The following FARSB variants were observed in gnomAD, a reference collection of about 807,000 sequenced individuals.
The protein encoded by FARSB is phenylalanine--tRNA ligase beta subunit.
Under a neutral mutation model 69.6 loss-of-function variants are expected in FARSB, and 40 were observed. That is an observed-to-expected ratio of 0.57 (90% CI 0.45 to 0.75). The LOEUF (loss-of-function observed/expected upper bound fraction) is 0.75. FARSB is among the 30% of genes least tolerant of loss of function. The pLI, the probability that FARSB is intolerant of heterozygous loss-of-function variation, is 0.00. For missense variants in FARSB, 632 were observed against 722.9 expected, an observed-to-expected ratio of 0.87 and a Z score of 1.44; for synonymous variants, 235 against 247.2, an observed-to-expected ratio of 0.95 and a Z score of 0.46.
intron 16 of FARSB, among the ~76,000 whole-genome samples, chr2:222,597,769 C>CTAAAA (rs1412840602): frequency 6.6e-6 from 1 of 152,162 alleles, no homozygotes; most frequent in Non-Finnish European, 1.5e-5. Context: ...CTACAATGTG[C>CTAAAA]TAAAATCCCT....
chr2:222,630,351 T>A (rs1330540669), intron 8 of FARSB, among the ~76,000 whole-genome samples, 177 bp from the exon 9 acceptor site: 1 of 152,232 alleles, frequency 6.6e-6, no homozygotes, highest in African/African-American at 2.4e-5. Flanking sequence ...CTTCAGGTGT[T>A]CTGCATTTAC....
At chr2:222,632,932 C>G (rs375814701) in intron 7 of FARSB, among the ~76,000 whole-genome samples, 2 of 151,378 alleles carry the variant, frequency 1.3e-5, no homozygotes, top group East Asian at 3.9e-4. Context: ...ACCAAAACAT[C>G]AATAACCTTT....
rs200787833 is a variant in FARSB, at chr2:222,580,705, G to GA, written c.1619-8684dup. On this transcript the variant is annotated intron_variant, in intron 16 of 16. Coordinates refer to ENST00000281828, the MANE Select transcript of FARSB (RefSeq NM_005687.5). Reference sequence around the variant, plus strand: ...CTTTAAAAAAAAATTCCACTGGTAGGAAAAAAAAATGCCCCAAATCAACCT... The same window carrying GA: ...CTTTAAAAAAAAATTCCACTGGTAGGAAAAAAAAAATGCCCCAAATCAACCT... 7.9e-3 allele frequency among the ~76,000 whole-genome samples: 1,192 copies of GA among 150,214 alleles called. 12 individuals carry two copies. Among genetic ancestry groups the GA allele is most frequent in the African/African-American group, 0.027 (1,097 of 40,894 alleles).
chr2:222,584,706 C>T (rs547563921), intron 16 of FARSB, among the ~76,000 whole-genome samples: 3 of 152,352 alleles, frequency 2.0e-5, no homozygotes, highest in South Asian at 4.1e-4. Flanking sequence ...CCATGCCTGG[C>T]TCAGAGGGTC....
At position 222,617,602 on chromosome 2, in the gene FARSB, G is replaced by A. The variant is rs563480306; in HGVS notation, c.1344+2043C>T. On this transcript the variant is annotated intron_variant, in intron 14 of 16. Transcript: ENST00000281828. ...GAATCTAAAATAAAAGTTGACAAAAGGCCAAGCGAGGTGGCTCACACTTGT... is the reference window on the plus strand; with the variant it reads ...GAATCTAAAATAAAAGTTGACAAAAAGCCAAGCGAGGTGGCTCACACTTGT... Among the ~76,000 whole-genome samples the A allele has an allele frequency of 4.6e-5, 7 of 152,320 alleles. No individual in the cohort carries two copies. The East Asian group carries it at 1.4e-3, about 29-fold the overall frequency.
chr2:222,624,149 C>T (rs1186722589), intron 12 of FARSB, 123 bp downstream of exon 12: 11 of 696,488 alleles, frequency 1.6e-5, no homozygotes, highest in Non-Finnish European at 2.8e-5. Context: ...CAGCAAATGC[C>T]TCTCATTGCA....
chr2:222,623,700 G>T lies in FARSB; in HGVS notation c.1201C>A (p.Arg401=), dbSNP rs143154293. The change falls in exon 13 of 17, where the codon CGA becomes AGA. Residue 401 remains arginine (R), a synonymous_variant. Coordinates refer to ENST00000281828, the MANE Select transcript of FARSB (RefSeq NM_005687.5). ...FPLNKLTELL[R]HDMAAAGFTE... ...AAGCCAGCGGCTGCCATGTCATGTC[G>T]GAGAAGTTCAGTGAGCTTATTAAGA... 8.1e-4 allele frequency: 1,298 copies of T among 1,611,640 alleles called. 13 individuals are homozygous for T. The Admixed American group carries it at 0.019, about 23-fold the overall frequency.
intron 16 of FARSB, among the ~76,000 whole-genome samples, chr2:222,597,164 C>T (rs567045693): frequency 6.6e-6 from 1 of 152,172 alleles, no homozygotes; most frequent in Admixed American, 6.5e-5. Flanking sequence ...AAAGAAAGCC[C>T]GTTAGATATA....
chr2:222,636,099 TA>T (rs1691573999), intron 5 of FARSB, among the ~76,000 whole-genome samples: 1 of 144,226 alleles, frequency 6.9e-6, no homozygotes, highest in African/African-American at 2.6e-5. Context: ...AAAAAAAAGA[TA>T]AGAAAATATA....
intron 15 of FARSB, among the ~76,000 whole-genome samples, chr2:222,611,845 C>G (rs753110686): frequency 6.6e-6 from 1 of 152,158 alleles, no homozygotes; most frequent in African/African-American, 2.4e-5. Context: ...CTTCCTCACC[C>G]GCACCCTCTG....
rs1469037045 is a variant in FARSB, at chr2:222,567,769, TAC to T, written c.*4100_*4101del. 2 of 152,364 alleles carry T rather than the reference TAC, an allele frequency of 1.3e-5. No individual in the cohort carries two copies. The highest frequency in any genetic ancestry group is 2.1e-4 in the South Asian group (1 of 4,830). 9.4% of individuals were successfully genotyped at this position (152,364 alleles called of 1,614,324 possible). On this transcript the variant is annotated 3_prime_UTR_variant, in exon 17 of 17. Transcript: ENST00000281828. ...TGTGTCTGTCAAATGTGGATATTTA[TAC>T]AGTCTTGCACCCATTAGGACTGGTT... is the stretch of plus-strand genomic sequence containing the variant.
intron 16 of FARSB, 53 bp from the exon 17 acceptor site, chr2:222,572,075 A>G: frequency 6.5e-7 from 1 of 1,531,792 alleles, no homozygotes; most frequent in Non-Finnish European, 8.9e-7. Context: ...CAAAACATCA[A>G]TAGACATTTA....
chr2:222,581,157 G>A (rs145414109), intron 16 of FARSB, among the ~76,000 whole-genome samples: 10 of 152,154 alleles, frequency 6.6e-5, no homozygotes, highest in African/African-American at 1.4e-4. Context: ...CAAAATAATT[G>A]GTCAAAGTAA....
chr2:222,599,966 C>T lies in FARSB; in HGVS notation c.1580G>A (p.Gly527Asp). Residue 527 changes from glycine to aspartate, a missense_variant, in exon 16 of 17, where the codon GGT becomes GAT. Physicochemically the swap from Gly to Asp is moderately conservative, Grantham distance 94 (BLOSUM62 -1). Transcript: ENST00000281828. ...RIMQLLDVPP[G>D]EDKGGYVIKA... ...GATCACATATCCCCCCTTGTCTTCA[C>T]CAGGAGGCACATCGAGCAACTGCAT... 6.2e-7 allele frequency: 1 copy of T among 1,608,446 alleles called. No individual in the cohort carries two copies. Among genetic ancestry groups the T allele is most frequent in the Non-Finnish European group, 8.5e-7 (1 of 1,178,814 alleles).
intron 6 of FARSB, among the ~76,000 whole-genome samples, chr2:222,633,663 C>A (rs1209572170): frequency 1.4e-4 from 11 of 79,170 alleles, no homozygotes; most frequent in South Asian, 4.3e-4. Flanking sequence ...GCCTGGGCAA[C>A]AAGAGCGAAA....
chr2:222,597,778 C>T (rs1189948106), intron 16 of FARSB, among the ~76,000 whole-genome samples: 2 of 152,144 alleles, frequency 1.3e-5, no homozygotes, highest in East Asian at 3.8e-4. Flanking sequence ...GCTAAAATCC[C>T]TTCCCACCAT....
At chr2:222,614,955 G>A (rs1690957996) in intron 14 of FARSB, among the ~76,000 whole-genome samples, 1 of 152,044 alleles carries the variant, frequency 6.6e-6, no homozygotes, top group South Asian at 2.1e-4. Context: ...CAAATATGTA[G>A]GTGCTAAAAA....
chr2:222,605,684 G>A (rs1032901127), intron 15 of FARSB, among the ~76,000 whole-genome samples: 7 of 152,300 alleles, frequency 4.6e-5, no homozygotes, highest in African/African-American at 1.4e-4. Context: ...TTAGAAGGCC[G>A]AGGCAGAAGG....
At chr2:222,584,460 A>G (rs1286007108) in intron 16 of FARSB, among the ~76,000 whole-genome samples, 1 of 152,160 alleles carries the variant, frequency 6.6e-6, no homozygotes, top group Non-Finnish European at 1.5e-5. Context: ...CTGCATTTCC[A>G]ACTGAGGTAC....
Sources: allele counts gnomAD v4.1 joint callset (sites outside exome capture counted in the v4.1 genomes callset), GRCh38; gene constraint gnomAD v4.1.1; transcripts MANE v1.5; gene names NCBI Gene and HGNC (gene_info 2026-07-23, HGNC 2026-07-21).